Variants in PEAK1 observed in about 807,000 individuals in gnomAD.
The protein encoded by PEAK1 is inactive tyrosine-protein kinase PEAK1.
PEAK1 carries 54 observed loss-of-function variants against 124.7 expected under a neutral mutation model. That is an observed-to-expected ratio of 0.43 (90% CI 0.35 to 0.54). PEAK1 has a LOEUF of 0.54. Among genes scored for constraint, PEAK1 ranks in the 20% least tolerant of loss-of-function variants. The pLI, the probability that PEAK1 is intolerant of heterozygous loss-of-function variation, is 0.01. For missense variants in PEAK1, 2,046 were observed against 2,134.5 expected (o/e 0.96, Z 0.82); for synonymous variants, 719 against 760.0 (o/e 0.95, Z 0.89).
At chr15:77,348,139 A>T (rs1177236336) in intron 2 of PEAK1, 1 of 984,890 alleles carries the variant, frequency 1.0e-6, no homozygotes, top group East Asian at 1.1e-4. Context: ...AACTTGCTCT[A>T]CATGAGGTAT....
At chr15:77,153,580 G>A (rs546432269) in intron 8 of PEAK1, among the ~76,000 whole-genome samples, 1 of 152,126 alleles carries the variant, frequency 6.6e-6, no homozygotes, top group Non-Finnish European at 1.5e-5. Context: ...TGATGTTAGG[G>A]TGTCAATTTT....
intron 1 of PEAK1, among the ~76,000 whole-genome samples, chr15:77,381,672 T>TC (rs763532025): frequency 6.6e-6 from 1 of 152,166 alleles, no homozygotes; most frequent in Non-Finnish European, 1.5e-5. Flanking sequence ...CAACATTTTC[T>TC]CCAAAAACAT....
Position 77,180,507 on chromosome 15 carries a change from G to C in PEAK1, c.1420C>G (p.Pro474Ala). Reference protein sequence around the residue: ...VVNLEQPLCKPYTVVDVSAAM... With the variant: ...VVNLEQPLCKAYTVVDVSAAM... ...GCTGACACATCCACGACAGTATATG[G>C]CTTGCACAATGGCTGTTCCAGGTTC... is the stretch of plus-strand genomic sequence containing the variant. The change falls in exon 7 of 10, where the codon CCA (proline) becomes GCA (alanine). Residue 474 changes from proline (P) to alanine (A), a missense_variant. Transcript: ENST00000682557. 1 of 1,614,064 alleles carries C rather than the reference G, an allele frequency of 6.2e-7. No individual in the cohort carries two copies.
chr15:77,371,272 C>T (rs1487298917), intron 1 of PEAK1: 5 of 957,012 alleles, frequency 5.2e-6, no homozygotes, highest in Non-Finnish European at 6.2e-6. Flanking sequence ...TACCTAAATA[C>T]CTGTTGAATT....
At chr15:77,250,414 T>C (rs559237502) in intron 6 of PEAK1, among the ~76,000 whole-genome samples, 1 of 149,736 alleles carries the variant, frequency 6.7e-6, no homozygotes, top group African/African-American at 2.5e-5. Flanking sequence ...ACCCGGCTAA[T>C]TTTTGTGTTT....
intron 6 of PEAK1, among the ~76,000 whole-genome samples, chr15:77,241,889 G>T (rs1474771003): frequency 2.6e-5 from 4 of 152,156 alleles, no homozygotes; most frequent in Non-Finnish European, 5.9e-5. Flanking sequence ...ACATAGTAAA[G>T]ATGTCAATTT....
intron 6 of PEAK1, among the ~76,000 whole-genome samples, chr15:77,236,211 C>A (rs1452089377): frequency 2.0e-5 from 3 of 152,200 alleles, no homozygotes; most frequent in Admixed American, 6.5e-5. Context: ...ACAGCTTGCA[C>A]TGTGCGTCTG....
At chr15:77,345,097 G>A (rs1394975471) in intron 2 of PEAK1, among the ~76,000 whole-genome samples, 1 of 83,218 alleles carries the variant, frequency 1.2e-5, no homozygotes, top group East Asian at 2.5e-4. Context: ...GTGAGAGCAG[G>A]CATCCTTGCC....
chr15:77,334,105 C>T (rs2066052074), intron 2 of PEAK1: 4 of 871,160 alleles, frequency 4.6e-6, no homozygotes, highest in Non-Finnish European at 5.5e-6. Flanking sequence ...ATAATTTGTA[C>T]TTGTTTTATC....
chr15:77,419,148 G>C lies in PEAK1; in HGVS notation c.-666+858C>G, dbSNP rs550454688. 2.2e-5 allele frequency: 22 copies of C among 985,128 alleles called. 1 individual carries two copies. The highest frequency in any genetic ancestry group is 1.2e-4 in the Admixed American group (2 of 16,254). The allele number at this position is 985,128 out of a possible 1,614,324, so 61.0% of individuals were successfully genotyped here. A position where few individuals can be genotyped will look rare whatever the true frequency, so the allele number is the denominator to read the frequency against. ...CACAGCTCTCAAATTCCTGAACTTG[G>C]ATCTTTAAAAAACAACGAATCGCAA... On this transcript the variant is annotated intron_variant, in intron 1 of 9. Transcript: ENST00000682557.
intron 1 of PEAK1, 74 bp from the exon 2 acceptor site, chr15:77,365,299 C>A: frequency 5.5e-6 from 3 of 545,794 alleles, no homozygotes; most frequent in Non-Finnish European, 7.0e-6. Context: ...TTAATTATTT[C>A]AATAGAACCC....
At chr15:77,390,192 A>G (rs1023661891) in intron 1 of PEAK1, among the ~76,000 whole-genome samples, 4 of 152,238 alleles carry the variant, frequency 2.6e-5, no homozygotes, top group African/African-American at 7.2e-5. Context: ...TAAGATACCA[A>G]TATTTCAGCA....
intron 5 of PEAK1, chr15:77,255,228 T>C (rs901336534): frequency 1.3e-5 from 5 of 376,390 alleles, no homozygotes; most frequent in African/African-American, 1.1e-4. Context: ...AATTTAAAAA[T>C]TGGCCTGATT....
intron 1 of PEAK1, 115 bp from the exon 2 acceptor site, chr15:77,365,340 C>T (rs1565757): frequency 0.69 from 165,420 of 240,730 alleles, 58,281 homozygotes; most frequent in Non-Finnish European, 0.75. Flanking sequence ...TAAATTTTTA[C>T]GTCCAAGCTG....
rs59785453 is a variant in PEAK1, at chr15:77,386,848, T to A, written c.-665-21623A>T. 4.8e-3 allele frequency among the ~76,000 whole-genome samples: 732 copies of A among 152,226 alleles called. 8 individuals carry two copies. The highest frequency in any genetic ancestry group is 0.016 in the African/African-American group (660 of 41,536). ...AACTCATGCCTCGTTAATACCTCAA[T>A]TGACAGTCATGCATAGCTGGCTACT... On this transcript the variant is annotated intron_variant, in intron 1 of 9. Coordinates refer to ENST00000682557, the MANE Select transcript of PEAK1 (RefSeq NM_001385026.1).
chr15:77,282,923 G>A (rs964642445), intron 5 of PEAK1, among the ~76,000 whole-genome samples: 12 of 152,064 alleles, frequency 7.9e-5, no homozygotes, highest in Non-Finnish European at 1.8e-4. Context: ...TTAAAAAGTG[G>A]CTGTAAAAAA....
rs765953660 is a variant in PEAK1 at position 77,133,223 on chromosome 15, C to T, written c.3859G>A (p.Val1287Met). The stretch of plus-strand genomic sequence containing the variant: ...GTATGAAGGCTTCGGATTTTACCCA[C>T]TACTTCCTCCCGATTCTCAAGTCCT... ...YRGLENREEV[V>M]GKIRSLHTDA... Residue 1287 changes from valine to methionine, a missense_variant, in exon 9 of 10, where the codon GTG becomes ATG. Val to Met is a conservative substitution (Grantham distance 21). Transcript: ENST00000682557. This position sits in a 1 kb window ranked among gnomAD's most constrained non-coding sequence, Gnocchi z 4.2. 6 of 1,614,258 alleles carry T rather than the reference C, an allele frequency of 3.7e-6. No homozygotes were observed. In the South Asian group the frequency reaches 6.6e-5, roughly 18 times the overall value.
intron 1 of PEAK1, chr15:77,381,336 G>T: frequency 1.3e-6 from 1 of 790,636 alleles, no homozygotes; most frequent in Non-Finnish European, 1.5e-6. Flanking sequence ...CACTGCTTGA[G>T]GCCAGGAGTT....
At chr15:77,232,324 C>A (rs2059941533) in intron 6 of PEAK1, among the ~76,000 whole-genome samples, 1 of 152,130 alleles carries the variant, frequency 6.6e-6, no homozygotes, top group South Asian at 2.1e-4. Context: ...AACACACACA[C>A]ACACACACAC....
Sources: gnomAD v4.1 joint callset for allele counts (sites outside exome capture counted in the v4.1 genomes callset) on GRCh38, gnomAD v4.1.1 for gene constraint, Gnocchi (gnomAD v3.1) non-coding constraint, MANE v1.5 for transcripts, NCBI Gene and HGNC (gene_info 2026-07-23, HGNC 2026-07-21) for gene names.